Variants in RNF220 observed in about 807,000 individuals in gnomAD.
RNF220 encodes the protein ring finger protein 220, also known as E3 ubiquitin-protein ligase RNF220.
A neutral mutation model predicts 67.1 loss-of-function variants in RNF220; 7 were observed. The observed-to-expected ratio is 0.10, with a 90% CI of 0.06 to 0.20. The LOEUF is 0.20. RNF220 is among the 10% of genes least tolerant of loss of function. The pLI, the probability that RNF220 is intolerant of heterozygous loss-of-function variation, is 1.00. For synonymous variants in RNF220, 270 were observed against 283.2 expected (o/e 0.95, Z 0.47); for missense variants, 565 against 740.3 (o/e 0.76, Z 2.75).
chr1:44,644,890 C>T (rs544545271), intron 9 of RNF220, 96 bp downstream of exon 9: 18 of 1,526,442 alleles, frequency 1.2e-5, no homozygotes, highest in South Asian at 1.0e-4. Context: ...CACCACCCCC[C>T]GGGCCAGAGT....
intron 2 of RNF220, among the ~76,000 whole-genome samples, chr1:44,602,381 C>A (rs1320609259): frequency 2.0e-5 from 3 of 152,114 alleles, no homozygotes; most frequent in African/African-American, 7.2e-5. Context: ...AAACAGCCTG[C>A]AGTGGAGAGG....
At chr1:44,612,681 G>A (rs1408223132) in intron 2 of RNF220, among the ~76,000 whole-genome samples, 1 of 152,014 alleles carries the variant, frequency 6.6e-6, no homozygotes, top group Non-Finnish European at 1.5e-5. Context: ...AGAAAATATG[G>A]GACATCCAGG....
chr1:44,495,913 C>CTGGA (rs1182235404), intron 2 of RNF220, among the ~76,000 whole-genome samples: 1 of 152,172 alleles, frequency 6.6e-6, no homozygotes, highest in Non-Finnish European at 1.5e-5. Context: ...CATATGCTTA[C>CTGGA]TGGATGGATG....
chr1:44,632,769 C>T, intron 6 of RNF220: 2 of 284,568 alleles, frequency 7.0e-6, no homozygotes, highest in South Asian at 9.6e-5. Flanking sequence ...TAATCAGTGC[C>T]CAGTAGTGTG....
At chr1:44,439,321 CT>C (rs1468767790) in intron 2 of RNF220, among the ~76,000 whole-genome samples, 1 of 152,034 alleles carries the variant, frequency 6.6e-6, no homozygotes, top group East Asian at 1.9e-4. Flanking sequence ...TTTTAAAACA[CT>C]TATTGGGATT....
chr1:44,505,460 A>G (rs573071326), intron 2 of RNF220, among the ~76,000 whole-genome samples: 1 of 152,372 alleles, frequency 6.6e-6, no homozygotes, highest in East Asian at 1.9e-4. Context: ...GACAGGTTGC[A>G]GTCAGCATCC....
chr1:44,579,257 G>A (rs1341101535), intron 2 of RNF220, among the ~76,000 whole-genome samples: 4 of 152,170 alleles, frequency 2.6e-5, no homozygotes, highest in Non-Finnish European at 5.9e-5. Flanking sequence ...GAAGCAGGCA[G>A]AGGGGCTTAA....
At chr1:44,583,146 C>G (rs270706) in intron 2 of RNF220, among the ~76,000 whole-genome samples, 72,638 of 151,660 alleles carry the variant, frequency 0.48, 17,451 homozygotes, top group Middle Eastern at 0.59. Flanking sequence ...GCTTTCAAGA[C>G]AATATGAGAG....
intron 3 of RNF220, among the ~76,000 whole-genome samples, chr1:44,620,868 T>G (rs1643760900): frequency 1.3e-5 from 2 of 152,098 alleles, no homozygotes; most frequent in South Asian, 4.1e-4. Flanking sequence ...ATTGGACTTG[T>G]GCACATGAGC....
intron 8 of RNF220, 169 bp downstream of exon 8, chr1:44,636,331 T>C: frequency 1.2e-6 from 1 of 837,448 alleles, no homozygotes. Context: ...CTGCCTGTGA[T>C]GTGCATATTA....
At chr1:44,512,916 G>A (rs1263660997) in intron 2 of RNF220, among the ~76,000 whole-genome samples, 4 of 152,158 alleles carry the variant, frequency 2.6e-5, no homozygotes, top group Non-Finnish European at 5.9e-5. Flanking sequence ...GAGAGAGCAA[G>A]GATTAGGAAC....
intron 2 of RNF220, among the ~76,000 whole-genome samples, chr1:44,527,341 T>G (rs1223783312): frequency 6.6e-6 from 1 of 152,014 alleles, no homozygotes; most frequent in Non-Finnish European, 1.5e-5. Flanking sequence ...TTCCCCGTTA[T>G]CTGTCCTCTT....
At position 44,441,254 on chromosome 1, in the gene RNF220, G is replaced by T. The variant is rs570417872; in HGVS notation, c.625+28532G>T. Among the ~76,000 whole-genome samples, 43 of 152,262 alleles carry T rather than the reference G, an allele frequency of 2.8e-4. 2 individuals are homozygous for T. The South Asian group carries it at 8.5e-3, about 30-fold the overall frequency. ...CCATAGGGACTGAGGCTTTTAATTT[G>T]CTGTCACAGCTCCAGGCATTTTTCT... On this transcript the variant is annotated intron_variant, in intron 2 of 14. Coordinates refer to ENST00000361799, the MANE Select transcript of RNF220 (RefSeq NM_018150.4).
At chr1:44,495,952 G>A (rs1281835801) in intron 2 of RNF220, among the ~76,000 whole-genome samples, 1 of 148,302 alleles carries the variant, frequency 6.7e-6, no homozygotes, top group Non-Finnish European at 1.5e-5. Flanking sequence ...CCAGTGGCAA[G>A]AGATGATGCT....
At chr1:44,596,522 G>A (rs1474091111) in intron 2 of RNF220, among the ~76,000 whole-genome samples, 2 of 151,544 alleles carry the variant, frequency 1.3e-5, no homozygotes, top group Non-Finnish European at 2.9e-5. Flanking sequence ...TCGTGCCATT[G>A]CACTCCAACC....
intron 2 of RNF220, among the ~76,000 whole-genome samples, chr1:44,583,215 G>GATATATATATATATATATATATATAT (rs35343175): frequency 1.9e-4 from 29 of 149,036 alleles, no homozygotes; most frequent in African/African-American, 6.7e-4. Context: ...TCCAGAAGCA[G>GATATATATATATATATATATATATAT]ATATATATAT....
chr1:44,614,067 G>A, intron 2 of RNF220, 98 bp from the exon 3 acceptor site: 1 of 1,529,316 alleles, frequency 6.5e-7, no homozygotes, highest in Non-Finnish European at 8.9e-7. Flanking sequence ...AGAAGCCCTA[G>A]AGGGCAGCAG....
At position 44,649,665 on chromosome 1, in the gene RNF220, A is replaced by G. The variant is rs139527899; in HGVS notation, c.1450A>G (p.Thr484Ala). 5.8e-5 allele frequency: 93 copies of G among 1,613,932 alleles called. No individual in the cohort carries two copies. In the African/African-American group the frequency reaches 9.7e-4, roughly 17 times the overall value. ...TCKNSDIEKI[T>A]EDSAVTTFEA... ...ACCATGCCTTCCTTTTTACAGAATC[A>G]CCGAAGATTCAGCTGTGACCACGTT... The change falls in exon 13 of 15, where the codon ACC (threonine) becomes GCC (alanine). Residue 484 changes from threonine to alanine, a missense_variant. Thr to Ala is a moderately conservative substitution (Grantham distance 58). Transcript: ENST00000361799. This position sits in a 1 kb window ranked among gnomAD's most constrained non-coding sequence, Gnocchi z 5.9.
chr1:44,407,350 G>C (rs1168394121), intron 1 of RNF220, among the ~76,000 whole-genome samples: 1 of 152,222 alleles, frequency 6.6e-6, no homozygotes. Context: ...AGCAGAGTGG[G>C]CAGGGGGGCT....
Sources: allele counts gnomAD v4.1 joint callset (sites outside exome capture counted in the v4.1 genomes callset), GRCh38; gene constraint gnomAD v4.1.1; non-coding constraint Gnocchi (gnomAD v3.1); transcripts MANE v1.5; gene names NCBI Gene and HGNC (gene_info 2026-07-23, HGNC 2026-07-21).